GRID2: variants seen among roughly 807,000 people sequenced by gnomAD.
GRID2 encodes the protein glutamate receptor ionotropic, delta-2.
Under a neutral mutation model 114.8 loss-of-function variants are expected in GRID2, and 33 were observed. That is an observed-to-expected ratio of 0.29 (90% CI 0.22 to 0.38). GRID2 has a LOEUF of 0.38. GRID2 is among the 10% of genes least tolerant of loss of function. GRID2 has a pLI of 1.00. For synonymous variants in GRID2, 505 were observed against 449.9 expected, an observed-to-expected ratio of 1.12 and a Z score of -1.55; for missense variants, 1,184 against 1,257.7, an observed-to-expected ratio of 0.94 and a Z score of 0.89.
chr4:92,732,068 G>A (rs978071204), intron 2 of GRID2, among the ~76,000 whole-genome samples: 3 of 151,844 alleles, frequency 2.0e-5, no homozygotes, highest in South Asian at 2.1e-4. Flanking sequence ...TGCTTTTTTG[G>A]AAGGACCAAC....
intron 14 of GRID2, among the ~76,000 whole-genome samples, chr4:93,710,783 A>C (rs1259558519): frequency 2.0e-5 from 3 of 152,092 alleles, no homozygotes; most frequent in Non-Finnish European, 4.4e-5. Flanking sequence ...CTGAGCTGGT[A>C]CCCAAGTTGC....
At chr4:92,704,723 T>TCTCTCTCTC (rs1734861937) in intron 2 of GRID2, among the ~76,000 whole-genome samples, 2 of 90,050 alleles carry the variant, frequency 2.2e-5, no homozygotes, top group South Asian at 4.4e-4. Context: ...CTCTCTCTCT[T>TCTCTCTCTC]TCTCTCTCTC....
chr4:92,532,179 G>T (rs1191469986), intron 1 of GRID2, among the ~76,000 whole-genome samples: 1 of 152,074 alleles, frequency 6.6e-6, no homozygotes, highest in East Asian at 1.9e-4. Flanking sequence ...AAATTATTCT[G>T]ACTAGTCAGG....
intron 8 of GRID2, among the ~76,000 whole-genome samples, chr4:93,364,716 T>A (rs1229035327): frequency 2.6e-5 from 4 of 151,972 alleles, no homozygotes; most frequent in Non-Finnish European, 5.9e-5. Flanking sequence ...GGGCCTCGAG[T>A]GATCCTCCCA....
intron 14 of GRID2, among the ~76,000 whole-genome samples, chr4:93,766,688 A>T (rs1043700103): frequency 6.6e-6 from 1 of 152,168 alleles, no homozygotes; most frequent in African/African-American, 2.4e-5. Flanking sequence ...TTTAAAAAGA[A>T]TTATTTGTTC....
At chr4:93,788,410 T>TCAA (rs1368496913) in intron 1 of GRID2, among the ~76,000 whole-genome samples, 1 of 152,166 alleles carries the variant, frequency 6.6e-6, no homozygotes, top group Non-Finnish European at 1.5e-5. Context: ...GTTTCAGTTC[T>TCAA]CAACACATAC....
chr4:93,668,221 G>A (rs946184596), intron 14 of GRID2, among the ~76,000 whole-genome samples: 1 of 151,918 alleles, frequency 6.6e-6, no homozygotes, highest in Non-Finnish European at 1.5e-5. Flanking sequence ...TATAAACAGA[G>A]TATTTTAATC....
At chr4:93,131,699 C>T (rs1345511950) in intron 4 of GRID2, among the ~76,000 whole-genome samples, 1 of 151,752 alleles carries the variant, frequency 6.6e-6, no homozygotes, top group African/African-American at 2.4e-5. Context: ...TATAAGGATA[C>T]AATCTGTAAT....
chr4:93,123,367 G>T (rs764224241), intron 4 of GRID2, among the ~76,000 whole-genome samples: 2 of 152,062 alleles, frequency 1.3e-5, no homozygotes, highest in African/African-American at 2.4e-5. Context: ...TGTGACAATT[G>T]TACCATTATT....
At chr4:93,339,798 C>T (rs1332329989) in intron 8 of GRID2, among the ~76,000 whole-genome samples, 1 of 152,062 alleles carries the variant, frequency 6.6e-6, no homozygotes, top group Non-Finnish European at 1.5e-5. Flanking sequence ...CCTCAGGAAA[C>T]ACAATCATGG....
Position 92,588,950 on chromosome 4 carries a change from C to CA in GRID2, c.89-1174dup, listed in dbSNP as rs746980310. 4.6e-5 allele frequency among the ~76,000 whole-genome samples: 7 copies of CA among 151,268 alleles called. No homozygotes were observed. The East Asian group carries it at 6.0e-4, about 13-fold the overall frequency. Reference sequence around the variant, plus strand: ...AAATCCCGTCTCTACTAAAAACACACAAAAAAATAGCCGAGTGTGTTCGCG... The same window carrying CA: ...AAATCCCGTCTCTACTAAAAACACACAAAAAAAATAGCCGAGTGTGTTCGCG... On this transcript the variant is annotated intron_variant, in intron 1 of 15. Coordinates refer to ENST00000282020, the MANE Select transcript of GRID2 (RefSeq NM_001510.4).
chr4:92,469,187 CTTTTTGGAATTATT>C lies in GRID2; in HGVS notation c.89-120938_89-120925del, dbSNP rs1405292043. On this transcript the variant is annotated intron_variant, in intron 1 of 15. Transcript: ENST00000282020. ...AAAACTCCTTATCAAAGAAAACTTT[CTTTTTGGAATTATT>C]TTTTTCTTCAGTGTCAAGTGCTTTT... Among the ~76,000 whole-genome samples, 5 of 152,176 alleles carry C rather than the reference CTTTTTGGAATTATT, an allele frequency of 3.3e-5. No individual in the cohort carries two copies. In the East Asian group the frequency reaches 7.7e-4, roughly 23 times the overall value.
intron 13 of GRID2, among the ~76,000 whole-genome samples, chr4:93,594,845 A>G (rs1009619989): frequency 6.6e-6 from 1 of 152,058 alleles, no homozygotes; most frequent in East Asian, 1.9e-4. Context: ...CCTTTCTTTG[A>G]TTAGGAAAGG....
chr4:92,975,083 G>A lies in GRID2; in HGVS notation c.245-109912G>A, dbSNP rs557756564. On this transcript the variant is annotated intron_variant, in intron 2 of 15. Coordinates refer to ENST00000282020, the MANE Select transcript of GRID2 (RefSeq NM_001510.4). ...GAGGCAGGAGAATGGCGTGAACCCG[G>A]GGTGTGGAGCTTGCAGTGAGCAGAG... 2.7e-4 allele frequency among the ~76,000 whole-genome samples: 40 copies of A among 145,572 alleles called. 2 individuals carry two copies. The South Asian group carries it at 7.9e-3, about 29-fold the overall frequency.
chr4:92,338,096 T>G (rs1232793120), intron 1 of GRID2, among the ~76,000 whole-genome samples: 4 of 152,142 alleles, frequency 2.6e-5, no homozygotes. Context: ...TCTTAAGTAT[T>G]AAGCCTTGGG....
chr4:93,272,317 A>G (rs1751548804), intron 8 of GRID2, among the ~76,000 whole-genome samples: 1 of 152,220 alleles, frequency 6.6e-6, no homozygotes, highest in South Asian at 2.1e-4. Flanking sequence ...TTGTGAAAAT[A>G]TAAATATGGC....
At chr4:92,399,323 G>A (rs972216334) in intron 1 of GRID2, among the ~76,000 whole-genome samples, 7 of 152,170 alleles carry the variant, frequency 4.6e-5, no homozygotes, top group Non-Finnish European at 5.9e-5. Context: ...CTCATAGTCC[G>A]AGATTCCTCA....
intron 14 of GRID2, among the ~76,000 whole-genome samples, chr4:93,635,810 T>C (rs561716646): frequency 6.6e-6 from 1 of 152,190 alleles, no homozygotes. Context: ...AGAATAAGTA[T>C]AGTTAGTGAT....
chr4:93,680,819 T>A (rs1725449222), intron 14 of GRID2, among the ~76,000 whole-genome samples: 1 of 152,086 alleles, frequency 6.6e-6, no homozygotes, highest in South Asian at 2.1e-4. Flanking sequence ...CCACAGCCAA[T>A]ATCATACTGA....
Sources: gnomAD v4.1 joint callset for allele counts (sites outside exome capture counted in the v4.1 genomes callset) on GRCh38, gnomAD v4.1.1 for gene constraint, MANE v1.5 for transcripts, NCBI Gene and HGNC (gene_info 2026-07-23, HGNC 2026-07-21) for gene names.